SHANK2: variants seen among roughly 807,000 people sequenced by gnomAD.
The protein encoded by SHANK2 is SH3 and multiple ankyrin repeat domains 2.
In SHANK2, 43 loss-of-function variants were observed where a neutral mutation model predicts 133.7. The observed-to-expected ratio is 0.32, with a 90% confidence interval of 0.25 to 0.41. The LOEUF is 0.41. Among genes scored for constraint, SHANK2 ranks in the 10% least tolerant of loss-of-function variants. SHANK2 has a pLI of 1.00. For synonymous variants in SHANK2, 1,017 were observed against 952.8 expected (o/e 1.07, Z -1.24); for missense variants, 1,994 against 2,235.8 (o/e 0.89, Z 2.18).
At chr11:70,724,081 G>A (rs1946126418) in intron 14 of SHANK2, among the ~76,000 whole-genome samples, 1 of 151,002 alleles carries the variant, frequency 6.6e-6, no homozygotes, top group Admixed American at 6.6e-5. Context: ...TGTTGCCCAG[G>A]CTGGAGTGCA....
intron 10 of SHANK2, among the ~76,000 whole-genome samples, chr11:70,916,054 G>C (rs1441486568): frequency 3.3e-5 from 5 of 152,132 alleles, no homozygotes; most frequent in Non-Finnish European, 5.9e-5. Flanking sequence ...ACATGTCTAG[G>C]GAGGCCTACA....
At chr11:70,871,246 G>A (rs896899050) in intron 11 of SHANK2, among the ~76,000 whole-genome samples, 1 of 152,230 alleles carries the variant, frequency 6.6e-6, no homozygotes, top group Non-Finnish European at 1.5e-5. Context: ...ACACTTCAAA[G>A]GGGAGTCAGG....
intron 2 of SHANK2, among the ~76,000 whole-genome samples, chr11:71,149,338 G>T (rs1324383660): frequency 6.6e-6 from 1 of 152,192 alleles, no homozygotes; most frequent in East Asian, 1.9e-4. Context: ...AACCTACAGA[G>T]CTGACTTCAC....
chr11:70,599,906 AG>A (rs1554990527), intron 17 of SHANK2, among the ~76,000 whole-genome samples: 167 of 13,008 alleles, frequency 0.013, 3 homozygotes, highest in African/African-American at 0.042. Context: ...AGAAAGAAAG[AG>A]AAAGAAAGAA....
chr11:70,649,557 C>T (rs139681091), intron 17 of SHANK2, among the ~76,000 whole-genome samples: 37 of 152,250 alleles, frequency 2.4e-4, no homozygotes, highest in East Asian at 5.8e-4. Flanking sequence ...AAACTCCCCA[C>T]GAAAGGGCAC....
chr11:71,056,870 A>G (rs1950928281), intron 9 of SHANK2, among the ~76,000 whole-genome samples: 1 of 133,152 alleles, frequency 7.5e-6, no homozygotes, highest in Non-Finnish European at 1.5e-5. Context: ...AAAAGAAAAG[A>G]AGAAAAGAAA....
intron 17 of SHANK2, chr11:70,634,333 TG>T (rs2061042157): frequency 6.6e-6 from 1 of 151,876 alleles, no homozygotes; most frequent in Non-Finnish European, 1.5e-5. Flanking sequence ...CGTCTGTATA[TG>T]GATGGCAAGA....
At chr11:70,742,693 G>C (rs1277318771) in intron 14 of SHANK2, among the ~76,000 whole-genome samples, 1 of 152,194 alleles carries the variant, frequency 6.6e-6, no homozygotes, top group Non-Finnish European at 1.5e-5. Context: ...GGCTCAAAAG[G>C]AGGCGGATTC....
At chr11:71,076,873 A>C (rs1028919236) in intron 8 of SHANK2, among the ~76,000 whole-genome samples, 110 of 152,314 alleles carry the variant, frequency 7.2e-4, no homozygotes, top group African/African-American at 2.6e-3. Flanking sequence ...CATTCATCAC[A>C]ACTACTGGGG....
chr11:70,511,148 T>C (rs1409148993), intron 17 of SHANK2, among the ~76,000 whole-genome samples: 2 of 152,116 alleles, frequency 1.3e-5, no homozygotes, highest in African/African-American at 4.8e-5. Context: ...CCAGCGCCCA[T>C]CAACACTTCT....
intron 17 of SHANK2, among the ~76,000 whole-genome samples, chr11:70,647,039 T>C (rs1407052879): frequency 6.6e-6 from 1 of 151,848 alleles, no homozygotes; most frequent in East Asian, 1.9e-4. Context: ...TTTTTGTATT[T>C]TTTTTAGTAG....
chr11:70,502,415 G>T, intron 18 of SHANK2, 129 bp from the exon 19 acceptor site: 1 of 834,044 alleles, frequency 1.2e-6, no homozygotes, highest in Non-Finnish European at 1.9e-6. Flanking sequence ...CAGGGATTGT[G>T]CAGGTGTGCT....
chr11:70,499,470 C>G (rs75581504), intron 21 of SHANK2, among the ~76,000 whole-genome samples: 6,674 of 152,326 alleles, frequency 0.044, 262 homozygotes, highest in African/African-American at 0.11. Context: ...GAGTCCCGAA[C>G]TGTTCTCCCT....
At chr11:70,662,833 T>C (rs1304115340) in intron 15 of SHANK2, among the ~76,000 whole-genome samples, 1 of 152,126 alleles carries the variant, frequency 6.6e-6, no homozygotes, top group Non-Finnish European at 1.5e-5. Context: ...CCCTGCTCAG[T>C]GAGCCTCCAG....
At chr11:71,185,587 G>A (rs1228848502) in intron 2 of SHANK2, among the ~76,000 whole-genome samples, 3 of 152,176 alleles carry the variant, frequency 2.0e-5, no homozygotes, top group Admixed American at 1.3e-4. Context: ...TGACTACCCA[G>A]CCAAACGGGG....
At chr11:70,925,922 C>T (rs1427701284) in intron 10 of SHANK2, among the ~76,000 whole-genome samples, 1 of 152,164 alleles carries the variant, frequency 6.6e-6, no homozygotes, top group Non-Finnish European at 1.5e-5. Flanking sequence ...AATACATAAC[C>T]TAGTTTTATG....
chr11:71,192,205 T>C (rs1953807987), intron 2 of SHANK2, among the ~76,000 whole-genome samples: 1 of 152,204 alleles, frequency 6.6e-6, no homozygotes, highest in Non-Finnish European at 1.5e-5. Context: ...TGGATTAGGG[T>C]CCATCCATAT....
chr11:70,476,907 T>G (rs1555150219), intron 25 of SHANK2, among the ~76,000 whole-genome samples: 1 of 152,236 alleles, frequency 6.6e-6, no homozygotes, highest in African/African-American at 2.4e-5. Context: ...ACCTCACGCC[T>G]GGGCAGTATT....
chr11:71,243,938 T>C (rs1954926181), intron 1 of SHANK2, among the ~76,000 whole-genome samples: 2 of 152,138 alleles, frequency 1.3e-5, no homozygotes, highest in Non-Finnish European at 2.9e-5. Flanking sequence ...CTACCAAACA[T>C]TTAAAGAAGA....
Sources: gnomAD v4.1 joint callset for allele counts (sites outside exome capture counted in the v4.1 genomes callset) on GRCh38, gnomAD v4.1.1 for gene constraint, MANE v1.5 for transcripts, NCBI Gene and HGNC (gene_info 2026-07-23, HGNC 2026-07-21) for gene names.